Variants in ZNF208 observed in about 807,000 individuals in gnomAD.
ZNF208 encodes the protein zinc finger protein 95.
Under a neutral mutation model 12.1 loss-of-function variants are expected in ZNF208, and 10 were observed. The ratio of observed to expected loss-of-function variants is 0.83; its 90% CI spans 0.51 to 1.40. ZNF208 has a LOEUF of 1.40. Among genes scored for constraint, ZNF208 ranks in the 40% most tolerant of loss-of-function variants. The probability of loss-of-function intolerance (pLI) is 0.00; values close to 1 mark genes in which losing one functional copy is unlikely to be tolerated. For synonymous variants in ZNF208, 497 were observed against 488.4 expected (o/e 1.02, Z -0.23); for missense variants, 1,652 against 1,485.0 (o/e 1.11, Z -1.85).
rs754227966 is a variant in ZNF208 at position 21,969,132 on chromosome 19, C to A, written c.*2059G>T. Among the ~76,000 whole-genome samples the A allele has an allele frequency of 6.6e-6, 1 of 152,062 alleles. No homozygotes were observed. The highest frequency in any genetic ancestry group is 1.5e-5 in the Non-Finnish European group (1 of 68,004). On this transcript the variant is annotated 3_prime_UTR_variant, in exon 4 of 4. Coordinates refer to ENST00000397126, the MANE Select transcript of ZNF208 (RefSeq NM_007153.3). ...CTGGAAGCTAGACCTTGGCTAATTT[C>A]TTTATTTCTTTTTAGTAAACATGTT...
In ZNF208 at chr19:21,969,402, A is replaced by AT. The variant is rs1344169793; in HGVS notation, c.*1788dup. Among the ~76,000 whole-genome samples, 4 of 151,990 alleles carry AT rather than the reference A, an allele frequency of 2.6e-5. No homozygotes were observed. On this transcript the variant is annotated 3_prime_UTR_variant, in exon 4 of 4. Coordinates refer to ENST00000397126, the MANE Select transcript of ZNF208 (RefSeq NM_007153.3). Reference sequence around the variant, plus strand: ...TTCTTTTTGCCAACTTTAGTTTTGGATTTTTTCCTATACTCAGCAGTCTGA... The same window carrying AT: ...TTCTTTTTGCCAACTTTAGTTTTGGATTTTTTTCCTATACTCAGCAGTCTGA...
intron 4 of ZNF208, among the ~76,000 whole-genome samples, chr19:21,942,677 C>A (rs1325355105): frequency 2.0e-5 from 3 of 151,982 alleles, no homozygotes; most frequent in African/African-American, 7.3e-5. Context: ...CAGACAGAGT[C>A]TTGCACTGTC....
rs192871941 is a variant in ZNF208, at chr19:21,944,621, A to G, written c.306-11384T>C. On this transcript the variant is annotated intron_variant, in intron 4 of 4. Transcript: ENST00000599916. Reference sequence around the variant, plus strand: ...GTATGAATTAAAACAGCTATGGGAAAATAGGATTTTTAGTTAATAATGAAG... The same window carrying G: ...GTATGAATTAAAACAGCTATGGGAAGATAGGATTTTTAGTTAATAATGAAG... Among the ~76,000 whole-genome samples the G allele has an allele frequency of 7.6e-3, 1,150 of 152,266 alleles. 6 individuals carry two copies. Among genetic ancestry groups the G allele is most frequent in the African/African-American group, 0.026 (1,076 of 41,520 alleles).
At chr19:21,952,221 G>A (rs188612912) in intron 4 of ZNF208, among the ~76,000 whole-genome samples, 50 of 152,318 alleles carry the variant, frequency 3.3e-4, no homozygotes, top group African/African-American at 1.2e-3. Context: ...TGTGAGCAAG[G>A]CATAGCTGAA....
At chr19:21,939,930 C>G (rs1357388521) in intron 4 of ZNF208, 3 of 152,134 alleles carry the variant, frequency 2.0e-5, no homozygotes, top group Non-Finnish European at 2.9e-5. Flanking sequence ...AAACTAATAG[C>G]TAAACTATTG....
At chr19:22,007,182 T>C (rs1026080407) in intron 1 of ZNF208, among the ~76,000 whole-genome samples, 3 of 152,074 alleles carry the variant, frequency 2.0e-5, no homozygotes, top group Admixed American at 2.0e-4. Context: ...GCTAACATTC[T>C]AAAAGCTAGA....
At chr19:21,988,036 A>C (rs901343612) in intron 2 of ZNF208, among the ~76,000 whole-genome samples, 7 of 152,098 alleles carry the variant, frequency 4.6e-5, no homozygotes, top group Non-Finnish European at 1.0e-4. Flanking sequence ...AGAAATTTCT[A>C]AATATTTAGA....
chr19:21,966,717 CCCA>C lies in ZNF208; in HGVS notation c.*4471_*4473del, dbSNP rs2145536678. The C allele has an allele frequency of 6.6e-6, 1 of 152,232 alleles. No homozygotes were observed. The highest frequency in any genetic ancestry group is 2.1e-4 in the South Asian group (1 of 4,826). The allele number at this position is 152,232 out of a possible 1,614,324, so 9.4% of individuals were successfully genotyped here. A position where few individuals can be genotyped will look rare whatever the true frequency, so the allele number is the denominator to read the frequency against. On this transcript the variant is annotated 3_prime_UTR_variant, in exon 4 of 4. Coordinates refer to ENST00000397126, the MANE Select transcript of ZNF208 (RefSeq NM_007153.3). ...CACAGGTTCTGAATTAATTTGCATTCCCACCAACAGTGTAGAAAGATTTCCTTA... is the reference window on the plus strand; with the variant it reads ...CACAGGTTCTGAATTAATTTGCATTCCCAACAGTGTAGAAAGATTTCCTTA...
intron 1 of ZNF208, among the ~76,000 whole-genome samples, chr19:22,000,581 G>A (rs1474225032): frequency 2.6e-5 from 4 of 152,058 alleles, no homozygotes; most frequent in Non-Finnish European, 4.4e-5. Flanking sequence ...AAAATTTATA[G>A]CATTAAATCC....
rs1969786134 is a variant in ZNF208, at chr19:21,944,366, CA to C, written c.306-11130del. ...CAACAGTAGTTGTCAAAATCATATG[CA>C]AAAATTAGCAAAGTCACAATGTAGA... On this transcript the variant is annotated intron_variant, in intron 4 of 4. Transcript: ENST00000599916. 2.0e-5 allele frequency among the ~76,000 whole-genome samples: 3 copies of C among 152,202 alleles called. No individual in the cohort carries two copies. The South Asian group carries it at 6.2e-4, about 32-fold the overall frequency.
chr19:21,949,733 C>T (rs1295335777), intron 4 of ZNF208, among the ~76,000 whole-genome samples: 1 of 152,180 alleles, frequency 6.6e-6, no homozygotes, highest in Non-Finnish European at 1.5e-5. Context: ...AGGTCCAGCT[C>T]AACAACCAGT....
At chr19:22,004,992 T>C (rs1270562359) in intron 1 of ZNF208, among the ~76,000 whole-genome samples, 2 of 152,214 alleles carry the variant, frequency 1.3e-5, no homozygotes, top group African/African-American at 4.8e-5. Context: ...GTCCTATAGA[T>C]AGTGGCCCAG....
At chr19:21,982,999 C>T (rs1970570833) in intron 3 of ZNF208, among the ~76,000 whole-genome samples, 1 of 152,030 alleles carries the variant, frequency 6.6e-6, no homozygotes, top group Non-Finnish European at 1.5e-5. Flanking sequence ...GCAACAAAAG[C>T]CAAAATTGAC....
intron 1 of ZNF208, among the ~76,000 whole-genome samples, chr19:22,009,087 A>C (rs866752408): frequency 6.6e-6 from 1 of 152,228 alleles, no homozygotes; most frequent in Non-Finnish European, 1.5e-5. Flanking sequence ...TCTGATATCT[A>C]TGTCTACGGA....
Position 21,995,927 on chromosome 19 carries a change from T to C in ZNF208, c.4-7018A>G, listed in dbSNP as rs574625114. Among the ~76,000 whole-genome samples, 182 of 152,272 alleles carry C rather than the reference T, an allele frequency of 1.2e-3. 1 individual carries two copies. The highest frequency in any genetic ancestry group is 4.1e-3 in the African/African-American group (171 of 41,554). On this transcript the variant is annotated intron_variant, in intron 1 of 3. Coordinates refer to ENST00000397126, the MANE Select transcript of ZNF208 (RefSeq NM_007153.3). The stretch of plus-strand genomic sequence containing the variant: ...TGTTGATATCTCACAATGCAGAAAA[T>C]GCCTCCTGTTGGTTTTCTGTAAATT...
intron 1 of ZNF208, among the ~76,000 whole-genome samples, chr19:21,993,368 T>C (rs1481408515): frequency 1.3e-5 from 2 of 152,146 alleles, no homozygotes; most frequent in African/African-American, 4.8e-5. Flanking sequence ...TACTTGATTC[T>C]GGCCTCACCT....
chr19:21,964,479 C>T (rs1415604417), downstream of ZNF208, among the ~76,000 whole-genome samples: 1 of 151,470 alleles, frequency 6.6e-6, no homozygotes, highest in African/African-American at 2.4e-5. Flanking sequence ...TTAAACTATA[C>T]TGAAATTTAT....
chr19:21,949,011 T>A (rs68053498), intron 4 of ZNF208, among the ~76,000 whole-genome samples: 21,276 of 152,182 alleles, frequency 0.14, 1,640 homozygotes, highest in Admixed American at 0.21. Context: ...ATCAAGCATG[T>A]TAATTACTCT....
intron 1 of ZNF208, among the ~76,000 whole-genome samples, chr19:21,999,005 T>G (rs1354680147): frequency 1.4e-5 from 2 of 146,360 alleles, no homozygotes; most frequent in Non-Finnish European, 2.9e-5. Flanking sequence ...ACACTAAAAT[T>G]ATGCTATAAT....
Sources: gnomAD v4.1 joint callset for allele counts (sites outside exome capture counted in the v4.1 genomes callset) on GRCh38, gnomAD v4.1.1 for gene constraint, MANE v1.5 for transcripts, NCBI Gene and HGNC (gene_info 2026-07-23, HGNC 2026-07-21) for gene names.